Variants in DHX9 observed in about 807,000 individuals in gnomAD.
The protein encoded by DHX9 is ATP-dependent RNA helicase A.
A neutral mutation model predicts 148.7 loss-of-function variants in DHX9; 27 were observed. The observed-to-expected ratio is 0.18, with a 90% confidence interval of 0.13 to 0.25. The LOEUF is 0.25. DHX9 is among the 10% of genes least tolerant of loss of function. The pLI is 1.00. For missense variants in DHX9, 796 were observed against 1,559.6 expected (o/e 0.51, Z 8.25); for synonymous variants, 529 against 516.6 (o/e 1.02, Z -0.33).
At chr1:182,842,524 A>C in intron 1 of DHX9, 21 bp from the exon 2 acceptor site, 1 of 1,479,950 alleles carries the variant, frequency 6.8e-7, no homozygotes, top group Admixed American at 1.8e-5. Flanking sequence ...TGCTGTTTTT[A>C]ACTGACTTTT....
At chr1:182,840,140 A>C (rs1047211566) in intron 1 of DHX9, among the ~76,000 whole-genome samples, 1 of 151,988 alleles carries the variant, frequency 6.6e-6, no homozygotes, top group African/African-American at 2.4e-5. Flanking sequence ...GGAAACAAAA[A>C]CCGTGTAGGA....
intron 1 of DHX9, 76 bp downstream of exon 1, chr1:182,839,532 C>G (rs566861630): frequency 1.3e-5 from 2 of 153,004 alleles, no homozygotes; most frequent in Non-Finnish European, 2.9e-5. Context: ...GGCTCCGCAG[C>G]CGGCTTTGTT....
intron 7 of DHX9, among the ~76,000 whole-genome samples, chr1:182,857,693 G>A (rs779243818): frequency 6.6e-6 from 1 of 152,150 alleles, no homozygotes; most frequent in African/African-American, 2.4e-5. Context: ...TTAATTGACC[G>A]TTTATAGAAA....
intron 22 of DHX9, 29 bp from the exon 23 acceptor site, chr1:182,881,235 C>G (rs1452461069): frequency 6.2e-7 from 1 of 1,600,698 alleles, no homozygotes; most frequent in Non-Finnish European, 8.5e-7. Context: ...GTGATCTAGT[C>G]TGGATTTAAC....
chr1:182,876,381 A>G (rs1396267536), intron 17 of DHX9, 66 bp from the exon 18 acceptor site: 5 of 1,565,798 alleles, frequency 3.2e-6, no homozygotes, highest in Non-Finnish European at 4.4e-6. Context: ...AAAAATATGT[A>G]TAATGGAGAG....
At chr1:182,849,284 G>A (rs933325722) in intron 3 of DHX9, among the ~76,000 whole-genome samples, 2 of 152,052 alleles carry the variant, frequency 1.3e-5, no homozygotes, top group African/African-American at 4.8e-5. Context: ...TCCGTCATCT[G>A]GCTGCAACAC....
intron 15 of DHX9, among the ~76,000 whole-genome samples, chr1:182,873,597 CAA>C (rs150213734): frequency 2.3e-4 from 35 of 152,250 alleles, no homozygotes; most frequent in Middle Eastern, 3.4e-3. Flanking sequence ...GGATTATACT[CAA>C]AGAGATCAGT....
Position 182,843,344 on chromosome 1 carries a change from A to G in DHX9, c.162A>G (p.Lys54=), listed in dbSNP as rs759477311. Residue 54 remains lysine, a synonymous_variant, in exon 3 of 28, where the codon AAA becomes AAG. Coordinates refer to ENST00000367549, the MANE Select transcript of DHX9 (RefSeq NM_001357.5). ...CTGGCATGGGAAATTCCACCAATAAAAAAGATGCACAAAGCAATGCTGCCA... is the reference window on the plus strand; with the variant it reads ...CTGGCATGGGAAATTCCACCAATAAGAAAGATGCACAAAGCAATGCTGCCA... ...NYTGMGNSTN[K]KDAQSNAARD... is the part of the protein sequence containing the mutation. 5 of 1,610,564 alleles carry G rather than the reference A, an allele frequency of 3.1e-6. No homozygotes were observed. The highest frequency in any genetic ancestry group is 4.2e-6 in the Non-Finnish European group (5 of 1,178,668).
intron 4 of DHX9, 73 bp downstream of exon 4, chr1:182,852,417 G>A (rs534396745): frequency 5.9e-5 from 65 of 1,103,010 alleles, no homozygotes; most frequent in Middle Eastern, 2.1e-4. Flanking sequence ...TCTGTTTCTC[G>A]TTTTGGGTAG....
intron 21 of DHX9, 136 bp downstream of exon 21, chr1:182,879,546 C>A: frequency 1.4e-6 from 1 of 713,028 alleles, no homozygotes. Flanking sequence ...GTAAGGCCTC[C>A]AGTCTTACCT....
intron 26 of DHX9, among the ~76,000 whole-genome samples, chr1:182,884,063 G>C (rs926562420): frequency 7.2e-5 from 11 of 152,126 alleles, no homozygotes; most frequent in Non-Finnish European, 1.3e-4. Context: ...CTTGGGCTCA[G>C]GAAGTTCAAG....
intron 27 of DHX9, among the ~76,000 whole-genome samples, chr1:182,885,341 ATACT>A (rs1332918346): frequency 6.6e-6 from 1 of 152,128 alleles, no homozygotes; most frequent in East Asian, 1.9e-4. Flanking sequence ...CATATACTTG[ATACT>A]TACCAAAAAG....
At chr1:182,883,747 T>G in intron 26 of DHX9, 112 bp downstream of exon 26, 6 of 609,948 alleles carry the variant, frequency 9.8e-6, no homozygotes, top group Non-Finnish European at 1.6e-5. Flanking sequence ...CTTAATTATA[T>G]ACTATATACT....
At chr1:182,879,716 A>G (rs577391367) in intron 21 of DHX9, among the ~76,000 whole-genome samples, 4 of 152,048 alleles carry the variant, frequency 2.6e-5, no homozygotes, top group South Asian at 4.1e-4. Flanking sequence ...ATTTCATATG[A>G]ATCTCTTACA....
chr1:182,870,110 A>G (rs1267467822), intron 14 of DHX9, among the ~76,000 whole-genome samples: 2 of 152,268 alleles, frequency 1.3e-5, no homozygotes, highest in Non-Finnish European at 2.9e-5. Flanking sequence ...TGCAGTAGTC[A>G]AAGTATTTAG....
intron 4 of DHX9, 146 bp downstream of exon 4, chr1:182,852,490 A>AT: frequency 3.8e-6 from 2 of 530,780 alleles, no homozygotes; most frequent in Non-Finnish European, 6.6e-6. Context: ...ATTTGCACAT[A>AT]TTACCAGATC....
chr1:182,881,216 A>C (rs1197670153), intron 22 of DHX9, 48 bp from the exon 23 acceptor site: 25 of 1,573,978 alleles, frequency 1.6e-5, no homozygotes, highest in Non-Finnish European at 2.2e-5. Context: ...AGCTGCTGGC[A>C]ACAACATTGT....
chr1:182,884,096 A>G (rs1649211223), intron 26 of DHX9, among the ~76,000 whole-genome samples: 1 of 152,144 alleles, frequency 6.6e-6, no homozygotes, highest in Non-Finnish European at 1.5e-5. Context: ...AACATGGTGA[A>G]ACCTGTCTCT....
chr1:182,843,488 C>G, intron 3 of DHX9, 54 bp downstream of exon 3: 1 of 1,447,770 alleles, frequency 6.9e-7, no homozygotes. Flanking sequence ...TGTACAAACT[C>G]AATATGCGTA....
Sources: allele counts gnomAD v4.1 joint callset (sites outside exome capture counted in the v4.1 genomes callset), GRCh38; gene constraint gnomAD v4.1.1; transcripts MANE v1.5; gene names NCBI Gene and HGNC (gene_info 2026-07-23, HGNC 2026-07-21).